GNPAT: variants seen among roughly 807,000 people sequenced by gnomAD.
GNPAT encodes the protein glyceronephosphate O-acyltransferase.
GNPAT carries 30 observed loss-of-function variants against 78.4 expected under a neutral mutation model. The observed-to-expected ratio is 0.38, with a 90% CI of 0.29 to 0.52. The LOEUF (loss-of-function observed/expected upper bound fraction) is 0.52. Among genes scored for constraint, GNPAT ranks in the 20% least tolerant of loss-of-function variants. GNPAT has a pLI of 0.84. For missense variants in GNPAT, 714 were observed against 812.2 expected, an observed-to-expected ratio of 0.88 and a Z score of 1.47; for synonymous variants, 271 against 281.1, an observed-to-expected ratio of 0.96 and a Z score of 0.36.
intron 1 of GNPAT, among the ~76,000 whole-genome samples, chr1:231,249,681 TG>T (rs1684838722): frequency 6.6e-6 from 1 of 152,228 alleles, no homozygotes; most frequent in African/African-American, 2.4e-5. Flanking sequence ...TTCGGGACTC[TG>T]GGAGAGCTTT....
In GNPAT at chr1:231,258,689, G is replaced by T. The variant is rs776690675; in HGVS notation, c.262-1818G>T. On this transcript the variant is annotated intron_variant, in intron 2 of 15. Transcript: ENST00000366647. The stretch of plus-strand genomic sequence containing the variant: ...CTCTGTCGCCCCGGCTGGAGGCAGT[G>T]GCTCTATCTTGGCTCACTGCAAGCT... 3.1e-5 allele frequency among the ~76,000 whole-genome samples: 4 copies of T among 127,028 alleles called. No homozygotes were observed. The South Asian group carries it at 7.9e-4, about 25-fold the overall frequency. 83.3% of individuals were successfully genotyped at this position (127,028 alleles called of 152,430 possible).
intron 15 of GNPAT, among the ~76,000 whole-genome samples, chr1:231,277,218 G>A (rs917937117): frequency 6.6e-6 from 1 of 152,220 alleles, no homozygotes; most frequent in African/African-American, 2.4e-5. Flanking sequence ...ATCACGGAAA[G>A]CAGATGTGAT....
At chr1:231,271,044 C>G in intron 10 of GNPAT, 44 bp downstream of exon 10, 1 of 1,602,532 alleles carries the variant, frequency 6.2e-7, no homozygotes, top group Non-Finnish European at 8.5e-7. Context: ...AGAGGTCTGG[C>G]CATTCCATTC....
rs12066288 is a variant in GNPAT, at chr1:231,274,348, A to C, written c.1743+286A>C. Among the ~76,000 whole-genome samples the C allele has an allele frequency of 0.011, 1,743 of 152,324 alleles. 43 individuals are homozygous for C. Among genetic ancestry groups the C allele is most frequent in the African/African-American group, 0.039 (1,640 of 41,562 alleles). Reference sequence around the variant, plus strand: ...CAGTTACACCCACGCATCATCTGTCATACTGTGTCTCATGTCTTAATGAGG... The same window carrying C: ...CAGTTACACCCACGCATCATCTGTCCTACTGTGTCTCATGTCTTAATGAGG... On this transcript the variant is annotated intron_variant, in intron 12 of 15. Coordinates refer to ENST00000366647, the MANE Select transcript of GNPAT (RefSeq NM_014236.4).
rs757729214 is a variant in GNPAT at position 231,241,475 on chromosome 1, G to A, written c.78+19G>A. 14 of 1,578,310 alleles carry A rather than the reference G, an allele frequency of 8.9e-6. No individual in the cohort carries two copies. The South Asian group carries it at 1.3e-4, about 15-fold the overall frequency. ...CTACTCGGTAGGCGCCCAGGGAAAA[G>A]AGGCCCAGAGCGGAGCCGCGCGAAA... On this transcript the variant is annotated intron_variant, in intron 1 of 15. Transcript: ENST00000366647.
intron 2 of GNPAT, among the ~76,000 whole-genome samples, chr1:231,256,062 A>G (rs575032032): frequency 6.6e-6 from 1 of 152,008 alleles, no homozygotes; most frequent in East Asian, 1.9e-4. Context: ...GTTTTATTCT[A>G]CCCAGTCACT....
chr1:231,263,016 A>G (rs1412644200), intron 4 of GNPAT, among the ~76,000 whole-genome samples, 164 bp downstream of exon 4: 4 of 152,122 alleles, frequency 2.6e-5, no homozygotes, highest in Non-Finnish European at 5.9e-5. Context: ...CCTGTGCTTT[A>G]CTGTGCCTGA....
In GNPAT at chr1:231,270,935, TCAAC is replaced by T; in HGVS notation, c.1458_1461del (p.Asn487PhefsTer7). On this transcript the variant is annotated frameshift_variant, in exon 10 of 16. Transcript: ENST00000366647. LOFTEE classifies it high-confidence loss of function. ...TGCTCAGCTTATAGGAACCAGCTGCTCAACATTTTTGTGCGCCCATCCTTAGTAG... is the reference window on the plus strand; with the variant it reads ...TGCTCAGCTTATAGGAACCAGCTGCTATTTTTGTGCGCCCATCCTTAGTAG... The T allele has an allele frequency of 6.2e-7, 1 of 1,614,000 alleles. No individual in the cohort carries two copies. Among genetic ancestry groups the T allele is most frequent in the Non-Finnish European group, 8.5e-7 (1 of 1,179,878 alleles).
chr1:231,254,216 G>A (rs2102805611), intron 2 of GNPAT, among the ~76,000 whole-genome samples: 1 of 152,300 alleles, frequency 6.6e-6, no homozygotes, highest in Admixed American at 6.5e-5. Flanking sequence ...TGACTTGGCT[G>A]TGCTGCTGAG....
At chr1:231,277,334 C>T (rs1203282383) in intron 15 of GNPAT, among the ~76,000 whole-genome samples, 165 bp from the exon 16 acceptor site, 18 of 152,310 alleles carry the variant, frequency 1.2e-4, no homozygotes, top group Admixed American at 7.8e-4. Flanking sequence ...GAGCATCTAC[C>T]GCTTCCCTTG....
chr1:231,267,996 G>A (rs1251279450), intron 9 of GNPAT, 93 bp downstream of exon 9: 2 of 825,986 alleles, frequency 2.4e-6, no homozygotes, highest in Middle Eastern at 2.2e-4. Flanking sequence ...CTTGAGCAAA[G>A]GATTGCTCAG....
At chr1:231,253,030 G>A (rs1166831386) in intron 2 of GNPAT, among the ~76,000 whole-genome samples, 2 of 152,008 alleles carry the variant, frequency 1.3e-5, no homozygotes, top group Non-Finnish European at 2.9e-5. Context: ...GTGCAGTATC[G>A]CGATCTCGGC....
intron 1 of GNPAT, among the ~76,000 whole-genome samples, chr1:231,249,067 C>T (rs1322868658): frequency 1.3e-5 from 2 of 152,188 alleles, no homozygotes; most frequent in African/African-American, 4.8e-5. Context: ...TTTTCTCCTT[C>T]CACTCCCAGG....
chr1:231,256,035 T>A (rs1220881217), intron 2 of GNPAT, among the ~76,000 whole-genome samples: 1 of 152,176 alleles, frequency 6.6e-6, no homozygotes, highest in Non-Finnish European at 1.5e-5. Context: ...TGCGTCAGGA[T>A]TTTATTCCAG....
intron 1 of GNPAT, among the ~76,000 whole-genome samples, chr1:231,244,873 G>T (rs1273056806): frequency 3.9e-5 from 6 of 152,194 alleles, no homozygotes; most frequent in Non-Finnish European, 8.8e-5. Flanking sequence ...ATGACTTCCT[G>T]TTAAAGTCCA....
At chr1:231,262,688 C>T in intron 3 of GNPAT, 35 bp from the exon 4 acceptor site, 1 of 1,557,700 alleles carries the variant, frequency 6.4e-7, no homozygotes, top group Non-Finnish European at 8.9e-7. Context: ...AACATGACAA[C>T]TGAAATTATT....
At position 231,262,786 on chromosome 1, in the gene GNPAT, T is replaced by C; in HGVS notation, c.502T>C (p.Phe168Leu). The stretch of plus-strand genomic sequence containing the variant: ...GCCTAGTCATCGAAGTTACATTGAC[T>C]TCCTCATGTTGTCTTTTCTTCTATA... ...LLPSHRSYIDFLMLSFLLYNY... is the reference protein window; with the variant it reads ...LLPSHRSYIDLLMLSFLLYNY... The change falls in exon 4 of 16, where the codon TTC becomes CTC. Residue 168 changes from phenylalanine (F) to leucine (L), a missense_variant. Physicochemically the swap from Phe to Leu is conservative, Grantham distance 22. Coordinates refer to ENST00000366647, the MANE Select transcript of GNPAT (RefSeq NM_014236.4). 6.2e-7 allele frequency: 1 copy of C among 1,607,156 alleles called. No individual in the cohort carries two copies. Among genetic ancestry groups the C allele is most frequent in the Non-Finnish European group, 8.5e-7 (1 of 1,173,654 alleles).
chr1:231,247,829 G>A (rs1324875413), intron 1 of GNPAT, among the ~76,000 whole-genome samples: 4 of 152,130 alleles, frequency 2.6e-5, no homozygotes, highest in African/African-American at 9.7e-5. Context: ...CTGGACTATT[G>A]GATTAAGAGG....
intron 4 of GNPAT, 122 bp from the exon 5 acceptor site, chr1:231,265,171 T>C (rs1255030850): frequency 3.8e-6 from 3 of 799,368 alleles, no homozygotes; most frequent in Middle Eastern, 3.5e-4. Context: ...CTAGCCAACA[T>C]AGCGAGACCC....
Sources: gnomAD v4.1 joint callset for allele counts (sites outside exome capture counted in the v4.1 genomes callset) on GRCh38, gnomAD v4.1.1 for gene constraint, MANE v1.5 for transcripts, NCBI Gene and HGNC (gene_info 2026-07-23, HGNC 2026-07-21) for gene names.